Variants in B3GLCT observed in about 807,000 individuals in gnomAD.
The protein encoded by B3GLCT is beta 3-glucosyltransferase, also known as beta-1,3-glucosyltransferase.
A neutral mutation model predicts 63.4 loss-of-function variants in B3GLCT; 65 were observed. The observed-to-expected ratio is 1.03, with a 90% confidence interval of 0.84 to 1.26. The LOEUF (loss-of-function observed/expected upper bound fraction) is 1.26, where lower values mean the gene tolerates loss of function less well. Ranked by LOEUF, B3GLCT falls within the 50% of genes most tolerant of loss-of-function variation. The pLI, the probability that B3GLCT is intolerant of heterozygous loss-of-function variation, is 0.00. For missense variants in B3GLCT, 577 were observed against 604.8 expected (o/e 0.95, Z 0.48); for synonymous variants, 233 against 219.2 (o/e 1.06, Z -0.55).
intron 1 of B3GLCT, among the ~76,000 whole-genome samples, chr13:31,213,350 G>C (rs763396934): frequency 6.6e-6 from 1 of 152,146 alleles, no homozygotes; most frequent in Non-Finnish European, 1.5e-5. Context: ...AGCACTTTGG[G>C]GTGCTGAGTT....
At chr13:31,263,293 G>T (rs1872131955) in intron 7 of B3GLCT, among the ~76,000 whole-genome samples, 1 of 152,164 alleles carries the variant, frequency 6.6e-6, no homozygotes, top group African/African-American at 2.4e-5. Context: ...CGTTTTTGTT[G>T]AATTAGGTGT....
In B3GLCT at chr13:31,225,754, C is replaced by T. The variant is rs569325947; in HGVS notation, c.160+2763C>T. ...TCCCTCTGTGGGGAGGGTCTTCCCA[C>T]CCCTTTTTTCCCCCATCTTCGGGAC... On this transcript the variant is annotated intron_variant, in intron 3 of 14. Coordinates refer to ENST00000343307, the MANE Select transcript of B3GLCT (RefSeq NM_194318.4). Among the ~76,000 whole-genome samples, 20 of 152,142 alleles carry T rather than the reference C, an allele frequency of 1.3e-4. No individual in the cohort carries two copies. The South Asian group carries it at 2.7e-3, about 20-fold the overall frequency.
intron 1 of B3GLCT, among the ~76,000 whole-genome samples, chr13:31,205,610 A>G (rs1868911486): frequency 6.6e-6 from 1 of 152,008 alleles, no homozygotes; most frequent in Admixed American, 6.6e-5. Context: ...GCTGGACCTG[A>G]ACTCCTGGCC....
At chr13:31,284,086 A>C (rs1182345632) in intron 10 of B3GLCT, among the ~76,000 whole-genome samples, 1 of 152,236 alleles carries the variant, frequency 6.6e-6, no homozygotes, top group Non-Finnish European at 1.5e-5. Context: ...AAAACAATTT[A>C]GCTGCTAATG....
intron 12 of B3GLCT, among the ~76,000 whole-genome samples, chr13:31,299,110 C>T (rs1263911267): frequency 1.3e-5 from 2 of 152,202 alleles, no homozygotes; most frequent in East Asian, 3.8e-4. Flanking sequence ...CCTCTTCACC[C>T]CTTCTTCTCC....
intron 12 of B3GLCT, 113 bp downstream of exon 12, chr13:31,286,932 C>T (rs1873366225): frequency 2.9e-6 from 2 of 690,628 alleles, no homozygotes; most frequent in South Asian, 2.0e-5. Flanking sequence ...GGGGTTTACC[C>T]TTCTATCTGA....
At chr13:31,220,552 A>G (rs1167560807) in intron 2 of B3GLCT, among the ~76,000 whole-genome samples, 1 of 152,236 alleles carries the variant, frequency 6.6e-6, no homozygotes, top group Non-Finnish European at 1.5e-5. Context: ...TCTTTTCACA[A>G]GGGAAGCTGG....
At chr13:31,256,790 G>A (rs1295708024) in intron 6 of B3GLCT, among the ~76,000 whole-genome samples, 1 of 152,092 alleles carries the variant, frequency 6.6e-6, no homozygotes, top group African/African-American at 2.4e-5. Flanking sequence ...GGGGCTTAGG[G>A]AGGGATAGCA....
intron 10 of B3GLCT, among the ~76,000 whole-genome samples, chr13:31,280,438 A>G (rs1316321240): frequency 1.3e-5 from 2 of 152,154 alleles, no homozygotes; most frequent in Non-Finnish European, 2.9e-5. Context: ...AAGGAAAAAA[A>G]TCTAGAGAAA....
chr13:31,213,623 C>CCCCCCCCCCA (rs1869400377), intron 1 of B3GLCT, among the ~76,000 whole-genome samples: 1 of 71,244 alleles, frequency 1.4e-5, no homozygotes, highest in Non-Finnish European at 3.1e-5. Flanking sequence ...CCCACCCCAC[C>CCCCCCCCCCA]CCCCCCCCCC....
At chr13:31,233,710 C>G (rs1337111142) in intron 4 of B3GLCT, among the ~76,000 whole-genome samples, 2 of 152,122 alleles carry the variant, frequency 1.3e-5, no homozygotes, top group South Asian at 2.1e-4. Flanking sequence ...AGTGTAATGT[C>G]TAGTTGGGTG....
rs1300542931 is a variant in B3GLCT at position 31,215,938 on chromosome 13, T to C, written c.120+838T>C. On this transcript the variant is annotated intron_variant, in intron 2 of 14. Transcript: ENST00000343307. ...ACTCGCAGAGAGCAGGCAGTACTTA[T>C]CCCAATCTCAGAGCTGCTGCTTTTA... Among the ~76,000 whole-genome samples, 15 of 152,136 alleles carry C rather than the reference T, an allele frequency of 9.9e-5. 1 individual carries two copies. Among genetic ancestry groups the C allele is most frequent in the Admixed American group, 9.8e-4 (15 of 15,272 alleles).
Position 31,259,587 on chromosome 13 carries a change from A to G in B3GLCT, c.460-1359A>G, listed in dbSNP as rs114288142. Among the ~76,000 whole-genome samples the G allele has an allele frequency of 6.5e-3, 988 of 151,238 alleles. 12 individuals carry two copies. Among genetic ancestry groups the G allele is most frequent in the African/African-American group, 0.023 (955 of 41,166 alleles). On this transcript the variant is annotated intron_variant, in intron 6 of 14. Transcript: ENST00000343307. ...TGTGCAGCTTAGGTCATTGAGGGAA[A>G]CTTGCATGCGGCATCTTGGGACCCC...
At chr13:31,288,218 C>G (rs938647385) in intron 12 of B3GLCT, among the ~76,000 whole-genome samples, 1 of 152,130 alleles carries the variant, frequency 6.6e-6, no homozygotes, top group Admixed American at 6.5e-5. Flanking sequence ...ACCCACTGCC[C>G]CACTCTAGGC....
intron 1 of B3GLCT, among the ~76,000 whole-genome samples, chr13:31,212,197 G>A (rs1234032962): frequency 1.3e-5 from 2 of 150,792 alleles, no homozygotes; most frequent in African/African-American, 4.9e-5. Context: ...TTGGACTCCT[G>A]GGCTCAAAGG....
chr13:31,301,932 C>T (rs907439014), intron 12 of B3GLCT, among the ~76,000 whole-genome samples: 1 of 152,192 alleles, frequency 6.6e-6, no homozygotes, highest in African/African-American at 2.4e-5. Context: ...CTAAATATGT[C>T]CACCCTCCTG....
chr13:31,222,504 A>G (rs1181540056), intron 2 of B3GLCT, among the ~76,000 whole-genome samples: 2 of 152,214 alleles, frequency 1.3e-5, no homozygotes, highest in East Asian at 3.8e-4. Flanking sequence ...ACTGCACCCA[A>G]AAGATGATAA....
chr13:31,282,487 A>G (rs988133897), intron 10 of B3GLCT, among the ~76,000 whole-genome samples: 1 of 151,990 alleles, frequency 6.6e-6, no homozygotes, highest in African/African-American at 2.4e-5. Flanking sequence ...AAAAATACAA[A>G]AAAAATTAGC....
intron 4 of B3GLCT, among the ~76,000 whole-genome samples, chr13:31,235,588 T>C (rs1870610050): frequency 6.6e-6 from 1 of 152,158 alleles, no homozygotes; most frequent in Non-Finnish European, 1.5e-5. Context: ...TCAGACTGCC[T>C]GACTAATTGG....
Sources: gnomAD v4.1 joint callset for allele counts (sites outside exome capture counted in the v4.1 genomes callset) on GRCh38, gnomAD v4.1.1 for gene constraint, MANE v1.5 for transcripts, NCBI Gene and HGNC (gene_info 2026-07-23, HGNC 2026-07-21) for gene names.